Variants in GREM2 observed in about 807,000 individuals in gnomAD.
GREM2 encodes gremlin 2, DAN family BMP antagonist.
A neutral mutation model predicts 14.2 loss-of-function variants in GREM2; 11 were observed. That is an observed-to-expected ratio of 0.78 (90% CI 0.49 to 1.28). The LOEUF (loss-of-function observed/expected upper bound fraction) is 1.28, where lower values mean the gene tolerates loss of function less well. Among genes scored for constraint, GREM2 ranks in the 50% most tolerant of loss-of-function variants. GREM2 has a pLI of 0.00. For missense variants in GREM2, 210 were observed against 218.5 expected (o/e 0.96, Z 0.24); for synonymous variants, 98 against 97.6 (o/e 1.00, Z -0.02).
rs576166978 is a variant in GREM2, at chr1:240,554,118, C to T, written c.-2+57766G>A. ...TTTATTATTTATTTATTAGTAAAGA[C>T]GAGGTCTCTAGGCCAGTTGTGGTGG... On this transcript the variant is annotated intron_variant, in intron 1 of 1. Coordinates refer to ENST00000318160, the MANE Select transcript of GREM2 (RefSeq NM_022469.4). 4.6e-5 allele frequency among the ~76,000 whole-genome samples: 7 copies of T among 152,036 alleles called. No homozygotes were observed. The East Asian group carries it at 9.7e-4, about 21-fold the overall frequency.
At chr1:240,572,257 CAGA>C (rs1679275793) in intron 1 of GREM2, among the ~76,000 whole-genome samples, 3 of 152,104 alleles carry the variant, frequency 2.0e-5, no homozygotes, top group African/African-American at 4.8e-5. Context: ...CCATGGGTTG[CAGA>C]AGGATTTTAG....
intron 1 of GREM2, among the ~76,000 whole-genome samples, chr1:240,569,041 G>A (rs1679215352): frequency 6.6e-6 from 1 of 151,998 alleles, no homozygotes; most frequent in Admixed American, 6.6e-5. Context: ...GTGACGGAGT[G>A]AAATCTCTTG....
intron 1 of GREM2, among the ~76,000 whole-genome samples, chr1:240,544,770 T>C (rs1336297446): frequency 6.6e-6 from 1 of 152,176 alleles, no homozygotes; most frequent in African/African-American, 2.4e-5. Context: ...CTGTTCCCTT[T>C]CTCTATCTAC....
At chr1:240,604,255 G>A (rs1012541934) in intron 1 of GREM2, among the ~76,000 whole-genome samples, 50 of 151,822 alleles carry the variant, frequency 3.3e-4, no homozygotes, top group Non-Finnish European at 2.9e-5. Flanking sequence ...ATTTCAACAT[G>A]TGATGTGGAG....
rs1212753797 is a variant in GREM2 at position 240,569,647 on chromosome 1, G to A, written c.-2+42237C>T. On this transcript the variant is annotated intron_variant, in intron 1 of 1. Transcript: ENST00000318160. Reference sequence around the variant, plus strand: ...TTGGAACAGCTGGCTATCCATAGATGGGGAAAAAAATATGAACTTTGATCC... The same window carrying A: ...TTGGAACAGCTGGCTATCCATAGATAGGGAAAAAAATATGAACTTTGATCC... 3.3e-5 allele frequency among the ~76,000 whole-genome samples: 5 copies of A among 152,150 alleles called. No individual in the cohort carries two copies. In the East Asian group the frequency reaches 7.7e-4, roughly 24 times the overall value.
intron 1 of GREM2, among the ~76,000 whole-genome samples, chr1:240,518,056 G>A (rs10926288): frequency 0.087 from 13,200 of 152,158 alleles, 1,932 homozygotes; most frequent in African/African-American, 0.3. Context: ...CCTACATAGC[G>A]TCAATCAAAG....
intron 1 of GREM2, among the ~76,000 whole-genome samples, chr1:240,561,508 A>G (rs1679034817): frequency 6.6e-6 from 1 of 152,188 alleles, no homozygotes. Flanking sequence ...AAAAAGAAGA[A>G]GACCTTTTGG....
At chr1:240,575,493 T>C (rs1313509098) in intron 1 of GREM2, among the ~76,000 whole-genome samples, 1 of 151,860 alleles carries the variant, frequency 6.6e-6, no homozygotes, top group African/African-American at 2.4e-5. Context: ...AATACCACTG[T>C]AGCAAGATTC....
At chr1:240,585,216 TGAAG>T (rs899819413) in intron 1 of GREM2, among the ~76,000 whole-genome samples, 26 of 151,956 alleles carry the variant, frequency 1.7e-4, no homozygotes, top group African/African-American at 5.1e-4. Context: ...AAGACTAGTG[TGAAG>T]GAAGGAAGGA....
intron 1 of GREM2, among the ~76,000 whole-genome samples, chr1:240,527,414 T>C (rs1027796131): frequency 1.3e-5 from 2 of 152,254 alleles, no homozygotes; most frequent in Admixed American, 6.5e-5. Flanking sequence ...TCTTTGCTTT[T>C]GAACCAACTT....
intron 1 of GREM2, among the ~76,000 whole-genome samples, chr1:240,557,472 CATT>C (rs1263545350): frequency 6.6e-6 from 1 of 152,084 alleles, no homozygotes; most frequent in African/African-American, 2.4e-5. Flanking sequence ...ATGAAAACAG[CATT>C]GGTCCTCTCA....
At chr1:240,509,054 C>T (rs1487088706) in intron 1 of GREM2, among the ~76,000 whole-genome samples, 3 of 152,200 alleles carry the variant, frequency 2.0e-5, no homozygotes, top group African/African-American at 7.2e-5. Flanking sequence ...GATCTAACAT[C>T]TCTTCTTTCT....
At chr1:240,531,538 A>G (rs1004655513) in intron 1 of GREM2, 6 of 603,946 alleles carry the variant, frequency 9.9e-6, no homozygotes, top group African/African-American at 2.0e-5. Context: ...TCTTCTTTTC[A>G]TTGGAAAAGA....
intron 1 of GREM2, among the ~76,000 whole-genome samples, chr1:240,584,842 C>T (rs2102859229): frequency 1.3e-5 from 2 of 152,258 alleles, no homozygotes; most frequent in South Asian, 4.1e-4. Context: ...GAAAATACAA[C>T]ACCATTTTCT....
At chr1:240,605,647 G>A (rs1231731766) in intron 1 of GREM2, among the ~76,000 whole-genome samples, 5 of 151,766 alleles carry the variant, frequency 3.3e-5, no homozygotes, top group African/African-American at 9.7e-5. Flanking sequence ...AAATCACAGC[G>A]TTTCCAGAAT....
At chr1:240,599,692 C>G (rs568938708) in intron 1 of GREM2, among the ~76,000 whole-genome samples, 2 of 152,278 alleles carry the variant, frequency 1.3e-5, no homozygotes, top group East Asian at 3.9e-4. Context: ...AGAGTCATAG[C>G]TATTACTTTG....
intron 1 of GREM2, among the ~76,000 whole-genome samples, chr1:240,514,342 G>C (rs1207331411): frequency 2.0e-5 from 3 of 150,916 alleles, no homozygotes; most frequent in African/African-American, 7.3e-5. Context: ...TTTGAAGTAA[G>C]CAAGACTAGA....
At chr1:240,499,549 C>A (rs992584719) in intron 1 of GREM2, among the ~76,000 whole-genome samples, 4 of 152,176 alleles carry the variant, frequency 2.6e-5, no homozygotes, top group Non-Finnish European at 4.4e-5. Context: ...ACTGCCACAG[C>A]CTCAGCTACT....
At chr1:240,503,420 C>A (rs1677612405) in intron 1 of GREM2, among the ~76,000 whole-genome samples, 1 of 152,152 alleles carries the variant, frequency 6.6e-6, no homozygotes. Context: ...ACTCTCAGAT[C>A]CATCTTCTCA....
Sources: allele counts gnomAD v4.1 joint callset (sites outside exome capture counted in the v4.1 genomes callset), GRCh38; gene constraint gnomAD v4.1.1; transcripts MANE v1.5; gene names NCBI Gene and HGNC (gene_info 2026-07-23, HGNC 2026-07-21).